The following ELAPOR2 variants were observed in gnomAD, a reference collection of about 807,000 sequenced individuals.
ELAPOR2 encodes endosome/lysosome-associated apoptosis and autophagy regulator family member 2.
Under a neutral mutation model 120.7 loss-of-function variants are expected in ELAPOR2, and 89 were observed. The observed-to-expected ratio is 0.74, with a 90% CI of 0.62 to 0.88. The LOEUF is 0.88. Among genes scored for constraint, ELAPOR2 ranks in the 40% least tolerant of loss-of-function variants. The pLI is 0.00. For missense variants in ELAPOR2, 1,134 were observed against 1,251.6 expected, an observed-to-expected ratio of 0.91 and a Z score of 1.42; for synonymous variants, 444 against 444.9, an observed-to-expected ratio of 1.00 and a Z score of 0.03.
At position 86,996,996 on chromosome 7, in the gene ELAPOR2, G is replaced by A. The variant is rs112343553; in HGVS notation, c.190-31972C>T. Among the ~76,000 whole-genome samples, 452 of 152,276 alleles carry A rather than the reference G, an allele frequency of 3.0e-3. 3 individuals carry two copies. Among genetic ancestry groups the A allele is most frequent in the African/African-American group, 0.011 (437 of 41,554 alleles). On this transcript the variant is annotated intron_variant, in intron 1 of 21. Coordinates refer to ENST00000450689, the MANE Select transcript of ELAPOR2 (RefSeq NM_001142749.3). ...AAAATCCAAAGTCACAAATTTACCT[G>A]TAGGCAGTGTTTACTTTTATAAGGC...
At chr7:86,886,545 C>T (rs1375118441) in intron 21 of ELAPOR2, among the ~76,000 whole-genome samples, 2 of 152,082 alleles carry the variant, frequency 1.3e-5, no homozygotes, top group Non-Finnish European at 2.9e-5. Context: ...CAGCTATAGC[C>T]ATTAGTTGGT....
At chr7:87,018,998 G>A (rs1483877187) in intron 1 of ELAPOR2, among the ~76,000 whole-genome samples, 1 of 152,106 alleles carries the variant, frequency 6.6e-6, no homozygotes, top group Non-Finnish European at 1.5e-5. Context: ...TGTGAGCAAG[G>A]CAGAAACTTC....
At chr7:87,041,328 G>A (rs927127808) in intron 1 of ELAPOR2, among the ~76,000 whole-genome samples, 1 of 151,996 alleles carries the variant, frequency 6.6e-6, no homozygotes, top group African/African-American at 2.4e-5. Context: ...CACCAAAGTT[G>A]AAATGAAGGA....
chr7:87,055,502 T>C (rs1795233964), intron 1 of ELAPOR2, among the ~76,000 whole-genome samples: 1 of 152,192 alleles, frequency 6.6e-6, no homozygotes, highest in African/African-American at 2.4e-5. Context: ...TTAGAACCAA[T>C]TACAATACAA....
chr7:87,048,310 T>C (rs1416946667), intron 1 of ELAPOR2, among the ~76,000 whole-genome samples: 1 of 150,548 alleles, frequency 6.6e-6, no homozygotes, highest in Non-Finnish European at 1.5e-5. Context: ...AAAAAAAGAA[T>C]GAGATTCTGT....
At chr7:87,013,100 A>G (rs1301364676) in intron 1 of ELAPOR2, among the ~76,000 whole-genome samples, 2 of 152,182 alleles carry the variant, frequency 1.3e-5, no homozygotes, top group East Asian at 1.9e-4. Flanking sequence ...TCAGTCTCCA[A>G]TCTTACAAAA....
intron 19 of ELAPOR2, among the ~76,000 whole-genome samples, chr7:86,895,913 A>G (rs1788415484): frequency 6.6e-6 from 1 of 152,104 alleles, no homozygotes; most frequent in African/African-American, 2.4e-5. Context: ...TTCTATTGTG[A>G]AGTAGAAAAA....
intron 1 of ELAPOR2, among the ~76,000 whole-genome samples, chr7:87,014,027 C>CTTT (rs35583728): frequency 3.0e-4 from 37 of 122,426 alleles, no homozygotes; most frequent in Non-Finnish European, 4.2e-4. Flanking sequence ...ATGTTTTTCA[C>CTTT]TTTTTTTTTT....
Position 86,880,594 on chromosome 7 carries a change from C to T in ELAPOR2, c.3031-64G>A, listed in dbSNP as rs1799355308. The T allele has an allele frequency of 9.7e-6, 10 of 1,027,138 alleles. 1 individual carries two copies. Among genetic ancestry groups the T allele is most frequent in the South Asian group, 7.8e-5 (6 of 76,566 alleles). The allele number at this position is 1,027,138 out of a possible 1,614,324, so 63.6% of individuals were successfully genotyped here. A position where few individuals can be genotyped will look rare whatever the true frequency, so the allele number is the denominator to read the frequency against. On this transcript the variant is annotated intron_variant, in intron 21 of 21. Transcript: ENST00000450689. ...ATTCTCGTAAGATTTTAGGATCTTA[C>T]ATGTCCAGAAGGAAAGTTCCAGAAA...
intron 18 of ELAPOR2, among the ~76,000 whole-genome samples, chr7:86,898,696 A>C (rs1389676849): frequency 2.0e-5 from 3 of 152,244 alleles, no homozygotes; most frequent in African/African-American, 7.2e-5. Context: ...AGGAATGAAC[A>C]GGTATGATTA....
At chr7:86,921,656 C>T (rs534233541) in intron 10 of ELAPOR2, among the ~76,000 whole-genome samples, 12 of 152,172 alleles carry the variant, frequency 7.9e-5, no homozygotes, top group Middle Eastern at 3.4e-3. Context: ...ATTAAACACT[C>T]ATGATACCCT....
At chr7:86,928,142 T>C (rs2116246619) in intron 8 of ELAPOR2, among the ~76,000 whole-genome samples, 1 of 152,126 alleles carries the variant, frequency 6.6e-6, no homozygotes, top group South Asian at 2.1e-4. Context: ...TCTTTTTCCA[T>C]ATTCATTTTT....
At chr7:87,016,665 T>TTATA (rs60187915) in intron 1 of ELAPOR2, among the ~76,000 whole-genome samples, 3,691 of 147,694 alleles carry the variant, frequency 0.025, 70 homozygotes, top group Non-Finnish European at 0.035. Context: ...ATAGTAACTA[T>TTATA]TATATATATA....
At chr7:87,023,414 A>C (rs1448312854) in intron 1 of ELAPOR2, among the ~76,000 whole-genome samples, 2 of 152,030 alleles carry the variant, frequency 1.3e-5, no homozygotes, top group Non-Finnish European at 2.9e-5. Context: ...GTTCTGTTCC[A>C]TTGGTCTATA....
At chr7:86,888,086 T>A (rs1380918284) in intron 21 of ELAPOR2, among the ~76,000 whole-genome samples, 4 of 152,028 alleles carry the variant, frequency 2.6e-5, no homozygotes, top group African/African-American at 9.7e-5. Flanking sequence ...TTTAACCACC[T>A]GTATTGTTGC....
At chr7:86,961,474 G>C (rs1791705343) in intron 2 of ELAPOR2, among the ~76,000 whole-genome samples, 1 of 152,116 alleles carries the variant, frequency 6.6e-6, no homozygotes, top group Non-Finnish European at 1.5e-5. Flanking sequence ...AATATGTAAA[G>C]GAACTCTCTC....
intron 10 of ELAPOR2, among the ~76,000 whole-genome samples, chr7:86,924,374 T>TACACACACACACACAGCAC (rs1789963718): frequency 6.9e-6 from 1 of 145,238 alleles, no homozygotes; most frequent in Non-Finnish European, 1.5e-5. Flanking sequence ...AGTAAGTGAA[T>TACACACACACACACAGCAC]ACACACACAC....
At position 86,967,303 on chromosome 7, in the gene ELAPOR2, T is replaced by G. The variant is rs139508569; in HGVS notation, c.190-2279A>C. ...GGCGAAACCCTGTCTCTACTAAAAG[T>G]ACAAAAATTAGCCGGGCGTGGTGGT... On this transcript the variant is annotated intron_variant, in intron 1 of 21. Coordinates refer to ENST00000450689, the MANE Select transcript of ELAPOR2 (RefSeq NM_001142749.3). Among the ~76,000 whole-genome samples, 518 of 152,136 alleles carry G rather than the reference T, an allele frequency of 3.4e-3. 4 individuals are homozygous for G. Among genetic ancestry groups the G allele is most frequent in the South Asian group, 0.012 (58 of 4,816 alleles).
chr7:86,893,117 AT>A lies in ELAPOR2; in HGVS notation c.2686-18del. 4 of 1,491,756 alleles carry A rather than the reference AT, an allele frequency of 2.7e-6. No homozygotes were observed. The highest frequency in any genetic ancestry group is 3.6e-6 in the Non-Finnish European group (4 of 1,114,146). The allele number at this position is 1,491,756 out of a possible 1,614,324, so 92.4% of individuals were successfully genotyped here. On this transcript the variant is annotated intron_variant, in intron 19 of 21. Transcript: ENST00000450689. ...CAAGGTTTCCTTTAAAAAAAAAAAC[AT>A]AAAACCATAGAAGACATGAGAAATG...
Sources: gnomAD v4.1 joint callset for allele counts (sites outside exome capture counted in the v4.1 genomes callset) on GRCh38, gnomAD v4.1.1 for gene constraint, MANE v1.5 for transcripts, NCBI Gene and HGNC (gene_info 2026-07-23, HGNC 2026-07-21) for gene names.